The following PGCKA1 variants were observed in gnomAD, a reference collection of about 807,000 sequenced individuals.
PGCKA1 encodes PDCD10 and GCKIII kinases-associated protein 1.
the PGCKA1 span, among the ~76,000 whole-genome samples, chr4:37,587,074 G>C: frequency 1.3e-5 from 2 of 152,172 alleles, no homozygotes; most frequent in African/African-American, 2.4e-5. Flanking sequence ...GGGTGAATCT[G>C]TTCCTTCCCT....
chr4:37,550,327 G>A, the PGCKA1 span, among the ~76,000 whole-genome samples: 1 of 151,600 alleles, frequency 6.6e-6, no homozygotes, highest in Non-Finnish European at 1.5e-5. Context: ...CAAGGAATAG[G>A]GTGCAGTTCT....
the PGCKA1 span, among the ~76,000 whole-genome samples, chr4:37,525,991 T>A: frequency 0.066 from 10,098 of 152,256 alleles, 587 homozygotes; most frequent in South Asian, 0.24. Flanking sequence ...AAAGTGTATA[T>A]TTCTGACTAC....
At chr4:37,537,206 T>C in the PGCKA1 span, among the ~76,000 whole-genome samples, 12 of 152,226 alleles carry the variant, frequency 7.9e-5, no homozygotes, top group Non-Finnish European at 1.5e-4. Flanking sequence ...CCCTCCAGAA[T>C]TTCCCTTAAA....
At chr4:37,572,048 C>CTTTTTTT in the PGCKA1 span, among the ~76,000 whole-genome samples, 17 of 111,618 alleles carry the variant, frequency 1.5e-4, no homozygotes, top group African/African-American at 2.9e-4. Flanking sequence ...AACTTCACAC[C>CTTTTTTT]TTTTTTTTTT....
the PGCKA1 span, among the ~76,000 whole-genome samples, chr4:37,557,182 TAAAC>T: frequency 2.0e-5 from 3 of 152,260 alleles, no homozygotes; most frequent in Admixed American, 6.5e-5. Context: ...CTATACATCA[TAAAC>T]AAAGATATTT....
the PGCKA1 span, among the ~76,000 whole-genome samples, chr4:37,572,348 G>A: frequency 6.6e-6 from 1 of 152,144 alleles, no homozygotes; most frequent in African/African-American, 2.4e-5. Flanking sequence ...TTACAGGCGT[G>A]AGCCAACGTG....
the PGCKA1 span, among the ~76,000 whole-genome samples, chr4:37,534,055 C>CT: frequency 6.6e-6 from 1 of 151,854 alleles, no homozygotes; most frequent in Non-Finnish European, 1.5e-5. Context: ...AAAAGCAATG[C>CT]TTTTTTTTCT....
chr4:37,501,412 T>C, the PGCKA1 span, among the ~76,000 whole-genome samples: 8 of 152,062 alleles, frequency 5.3e-5, no homozygotes, highest in African/African-American at 1.9e-4. Flanking sequence ...GGTTGTGTGC[T>C]CCTTTTGAGA....
At chr4:37,472,493 A>G in the PGCKA1 span, among the ~76,000 whole-genome samples, 1 of 152,316 alleles carries the variant, frequency 6.6e-6, no homozygotes, top group South Asian at 2.1e-4. Flanking sequence ...TCCCTTATTT[A>G]AAAATAAAAT....
chr4:37,589,470 T>C, the PGCKA1 span, among the ~76,000 whole-genome samples: 1 of 152,232 alleles, frequency 6.6e-6, no homozygotes, highest in South Asian at 2.1e-4. Context: ...TTTTAGTGAC[T>C]GCATAATATT....
the PGCKA1 span, among the ~76,000 whole-genome samples, chr4:37,546,411 T>C: frequency 6.6e-6 from 1 of 152,340 alleles, no homozygotes; most frequent in African/African-American, 2.4e-5. Context: ...AAGAACATTG[T>C]GAAACTCCCT....
At chr4:37,523,174 C>T in the PGCKA1 span, among the ~76,000 whole-genome samples, 2 of 152,138 alleles carry the variant, frequency 1.3e-5, no homozygotes, top group Non-Finnish European at 2.9e-5. Flanking sequence ...GTCAGTAATT[C>T]CCCTCTGGCT....
At chr4:37,484,186 T>C in the PGCKA1 span, among the ~76,000 whole-genome samples, 2 of 152,194 alleles carry the variant, frequency 1.3e-5, no homozygotes, top group Non-Finnish European at 2.9e-5. Context: ...GATAAAGATA[T>C]ACTTGAGACT....
chr4:37,560,174 T>C, the PGCKA1 span, among the ~76,000 whole-genome samples: 1 of 152,156 alleles, frequency 6.6e-6, no homozygotes, highest in Non-Finnish European at 1.5e-5. Flanking sequence ...AATGCCACCA[T>C]CTCTTATGGC....
chr4:37,533,699 T>C, the PGCKA1 span, among the ~76,000 whole-genome samples: 1 of 152,198 alleles, frequency 6.6e-6, no homozygotes, highest in Non-Finnish European at 1.5e-5. Context: ...TGATTTCCTT[T>C]TGTGGGAGTT....
At chr4:37,509,406 G>T in the PGCKA1 span, among the ~76,000 whole-genome samples, 1 of 135,656 alleles carries the variant, frequency 7.4e-6, no homozygotes, top group Non-Finnish European at 1.6e-5. Flanking sequence ...CAGACGGGGC[G>T]GCAGGGCAGA....
At chr4:37,588,833 C>G in the PGCKA1 span, 1 of 1,599,110 alleles carries the variant, frequency 6.3e-7, no homozygotes, top group Non-Finnish European at 8.6e-7. Flanking sequence ...ACCTTTTACG[C>G]TTTCTTTTCC....
the PGCKA1 span, among the ~76,000 whole-genome samples, chr4:37,529,672 T>C: frequency 2.6e-5 from 4 of 152,186 alleles, no homozygotes; most frequent in African/African-American, 9.7e-5. Flanking sequence ...GGGGAAAATA[T>C]CAAATTAGTT....
the PGCKA1 span, among the ~76,000 whole-genome samples, chr4:37,549,198 A>G: frequency 4.6e-5 from 7 of 152,260 alleles, no homozygotes; most frequent in African/African-American, 1.7e-4. Context: ...GAGCTTATCA[A>G]TTAGTCAGCC....
Sources: allele counts gnomAD v4.1 joint callset (sites outside exome capture counted in the v4.1 genomes callset), GRCh38; gene constraint gnomAD v4.1.1; transcripts MANE v1.5; gene names NCBI Gene and HGNC (gene_info 2026-07-23, HGNC 2026-07-21).